Variants in IFFO2 observed in about 807,000 individuals in gnomAD.
The protein encoded by IFFO2 is intermediate filament family orphan 2.
A neutral mutation model predicts 53.5 loss-of-function variants in IFFO2; 19 were observed. The ratio of observed to expected loss-of-function variants is 0.36; its 90% CI spans 0.25 to 0.52. IFFO2 has a LOEUF of 0.52. IFFO2 is among the 20% of genes least tolerant of loss of function. The pLI, the probability that IFFO2 is intolerant of heterozygous loss-of-function variation, is 0.94. For synonymous variants in IFFO2, 303 were observed against 313.6 expected, an observed-to-expected ratio of 0.97 and a Z score of 0.36; for missense variants, 570 against 727.4, an observed-to-expected ratio of 0.78 and a Z score of 2.49.
At chr1:18,949,644 G>A (rs911534449) in intron 1 of IFFO2, among the ~76,000 whole-genome samples, 1 of 152,260 alleles carries the variant, frequency 6.6e-6, no homozygotes, top group Non-Finnish European at 1.5e-5. Flanking sequence ...GGAAGGCAAC[G>A]CATCTCGTTG....
intron 1 of IFFO2, among the ~76,000 whole-genome samples, chr1:18,922,672 G>C (rs931735198): frequency 1.3e-5 from 2 of 152,138 alleles, no homozygotes; most frequent in South Asian, 2.1e-4. Flanking sequence ...AGGGCAAGGG[G>C]CTGGGATTCC....
Position 18,955,876 on chromosome 1 carries a change from G to A in IFFO2, c.457C>T (p.His153Tyr). The A allele has an allele frequency of 7.2e-7, 1 of 1,381,048 alleles. No homozygotes were observed. The highest frequency in any genetic ancestry group is 1.7e-5 in the South Asian group (1 of 58,874). The allele number at this position is 1,381,048 out of a possible 1,614,324, so 85.5% of individuals were successfully genotyped here. The change falls in exon 1 of 9, where the codon CAC becomes TAC. Residue 153 changes from histidine to tyrosine, a missense_variant. Transcript: ENST00000455833. ...ATGGTCCCGGGCAGGCGGCCGTAGT[G>A]CTGCGGGTGCGAGCCGCCGCCGGGG... ...LPPGGGSHPQ[H>Y]YGRLPGTIWS...
At chr1:18,934,948 C>A (rs769295071) in intron 1 of IFFO2, among the ~76,000 whole-genome samples, 1 of 152,152 alleles carries the variant, frequency 6.6e-6, no homozygotes, top group Non-Finnish European at 1.5e-5. Context: ...TCCAGGTATC[C>A]CTCTGGGATA....
rs1194301608 is a variant in IFFO2 at position 18,919,812 on chromosome 1, G to T, written c.727-39C>A. The stretch of plus-strand genomic sequence containing the variant: ...GATGGGGAGGCTTCAGAGGGGCCGG[G>T]TCCTCTGGGGATAGGAGGGTCTGGA... On this transcript the variant is annotated intron_variant, in intron 2 of 8. Transcript: ENST00000455833. This position sits in a 1 kb window ranked among gnomAD's most constrained non-coding sequence, Gnocchi z 4.9. 4 of 1,400,778 alleles carry T rather than the reference G, an allele frequency of 2.9e-6. No homozygotes were observed. In the East Asian group the frequency reaches 1.0e-4, roughly 35 times the overall value. 86.8% of individuals were successfully genotyped at this position (1,400,778 alleles called of 1,614,324 possible). A position where few individuals can be genotyped will look rare whatever the true frequency, so the allele number is the denominator to read the frequency against.
chr1:18,919,306 G>A lies in IFFO2; in HGVS notation c.822+372C>T, dbSNP rs1030174639. 6.6e-6 allele frequency among the ~76,000 whole-genome samples: 1 copy of A among 152,200 alleles called. No individual in the cohort carries two copies. Among genetic ancestry groups the A allele is most frequent in the African/African-American group, 2.4e-5 (1 of 41,446 alleles). ...GAGTCTCTCAGGCCCGCACAGACCA[G>A]ACGGCACCTGGCCCAACCTGCCAGA... On this transcript the variant is annotated intron_variant, in intron 3 of 8. Coordinates refer to ENST00000455833, the MANE Select transcript of IFFO2 (RefSeq NM_001136265.2). The surrounding 1 kb of genome is among the most constrained non-coding windows in gnomAD (Gnocchi z 4.9).
chr1:18,910,336 G>A lies in IFFO2; in HGVS notation c.1448+6C>T, dbSNP rs770066016. On this transcript the variant is annotated splice_donor_region_variant and intron_variant, in intron 8 of 8. Transcript: ENST00000455833. ...AGCTGAATCCCCTGGGAGGATGGGC[G>A]GGTACCTGTCTGCGGAGCCTTTGAT... The A allele has an allele frequency of 1.9e-5, 30 of 1,601,338 alleles. No homozygotes were observed. The highest frequency in any genetic ancestry group is 4.0e-5 in the African/African-American group (3 of 74,618).
intron 1 of IFFO2, among the ~76,000 whole-genome samples, chr1:18,951,233 G>A (rs1190677099): frequency 6.6e-6 from 1 of 152,138 alleles, no homozygotes; most frequent in Non-Finnish European, 1.5e-5. Flanking sequence ...CAAATCTCAG[G>A]TACTCAGCCT....
chr1:18,948,169 T>C lies in IFFO2; in HGVS notation c.665+7499A>G, dbSNP rs139962532. Among the ~76,000 whole-genome samples the C allele has an allele frequency of 6.9e-3, 1,045 of 152,332 alleles. 11 individuals carry two copies. The highest frequency in any genetic ancestry group is 0.023 in the African/African-American group (966 of 41,582). ...CAATAAACGGAAGCATTAAGCCATA[T>C]TGATTTATTTTCAAATCCTTTTGCA... On this transcript the variant is annotated intron_variant, in intron 1 of 8. Transcript: ENST00000455833.
chr1:18,927,372 G>A (rs2148175194), intron 1 of IFFO2, among the ~76,000 whole-genome samples: 2 of 152,366 alleles, frequency 1.3e-5, no homozygotes, highest in Middle Eastern at 6.8e-3. Flanking sequence ...TTCATTCTGG[G>A]CCAAGCGTGG....
chr1:18,923,476 C>T (rs1030191511), intron 1 of IFFO2, among the ~76,000 whole-genome samples: 1 of 152,222 alleles, frequency 6.6e-6, no homozygotes, highest in Non-Finnish European at 1.5e-5. Flanking sequence ...AGCAACAGCA[C>T]CAGCAACCAT....
chr1:18,937,387 G>A (rs1307467742), intron 1 of IFFO2, among the ~76,000 whole-genome samples: 1 of 152,184 alleles, frequency 6.6e-6, no homozygotes. Flanking sequence ...TCAAGGGGAT[G>A]GACTCATTAC....
intron 1 of IFFO2, among the ~76,000 whole-genome samples, chr1:18,923,797 C>A (rs1306787647): frequency 6.6e-6 from 1 of 152,142 alleles, no homozygotes; most frequent in Non-Finnish European, 1.5e-5. Flanking sequence ...AGGGCTGGGG[C>A]AGACAGCTCC....
At chr1:18,941,805 G>A (rs923797406) in intron 1 of IFFO2, among the ~76,000 whole-genome samples, 5 of 152,302 alleles carry the variant, frequency 3.3e-5, no homozygotes, top group South Asian at 4.1e-4. Context: ...TCCACACAAC[G>A]GGGAGGCTGA....
Position 18,918,345 on chromosome 1 carries a change from A to C in IFFO2, c.963+17T>G, listed in dbSNP as rs1252000483. ...GAGAGTGGGGGGTTGGCTGGTGAGC[A>C]GGGCAGCCCTAGTCACCTGGAAGAT... On this transcript the variant is annotated intron_variant, in intron 4 of 8. Transcript: ENST00000455833. This position sits in a 1 kb window ranked among gnomAD's most constrained non-coding sequence, Gnocchi z 5.2. The C allele has an allele frequency of 3.9e-6, 6 of 1,544,152 alleles. No homozygotes were observed. The highest frequency in any genetic ancestry group is 5.3e-6 in the Non-Finnish European group (6 of 1,140,736).
rs1482860821 is a variant in IFFO2 at position 18,947,378 on chromosome 1, T to A, written c.665+8290A>T. Among the ~76,000 whole-genome samples the A allele has an allele frequency of 6.6e-6, 1 of 152,170 alleles. No homozygotes were observed. The highest frequency in any genetic ancestry group is 2.4e-5 in the African/African-American group (1 of 41,446). On this transcript the variant is annotated intron_variant, in intron 1 of 8. Transcript: ENST00000455833. The surrounding 1 kb of genome is among the most constrained non-coding windows in gnomAD (Gnocchi z 5.0). The stretch of plus-strand genomic sequence containing the variant: ...CGGGCAAGATAAATGGAGCATTAAT[T>A]GAGAGCCTGAGATCCACAGCCTGCC...
In IFFO2 at chr1:18,904,597, G is replaced by A. The variant is rs1195927364; in HGVS notation, c.*3964C>T. 2 of 152,130 alleles carry A rather than the reference G, an allele frequency of 1.3e-5. No homozygotes were observed. Among genetic ancestry groups the A allele is most frequent in the Non-Finnish European group, 2.9e-5 (2 of 68,028 alleles). 9.4% of individuals were successfully genotyped at this position (152,130 alleles called of 1,614,324 possible). On this transcript the variant is annotated 3_prime_UTR_variant, in exon 9 of 9. Coordinates refer to ENST00000455833, the MANE Select transcript of IFFO2 (RefSeq NM_001136265.2). ...CTTGGGAGGGAAGGGTCTTGGTGAG[G>A]GATTTGCTCAGAACTAACACACAGC...
intron 1 of IFFO2, among the ~76,000 whole-genome samples, chr1:18,931,742 T>C (rs971058882): frequency 2.0e-5 from 3 of 152,172 alleles, no homozygotes; most frequent in African/African-American, 7.2e-5. Flanking sequence ...AAATGACCTG[T>C]TCAAGGTCAA....
At position 18,940,618 on chromosome 1, in the gene IFFO2, C is replaced by A. The variant is rs531608979; in HGVS notation, c.665+15050G>T. On this transcript the variant is annotated intron_variant, in intron 1 of 8. Transcript: ENST00000455833. Reference sequence around the variant, plus strand: ...ATGGATGGATGGATGGACAGACGGACGGACAGACGGATGGAAGAATAAATG... The same window carrying A: ...ATGGATGGATGGATGGACAGACGGAAGGACAGACGGATGGAAGAATAAATG... 2.0e-5 allele frequency among the ~76,000 whole-genome samples: 3 copies of A among 151,862 alleles called. No homozygotes were observed. The South Asian group carries it at 6.3e-4, about 32-fold the overall frequency.
intron 7 of IFFO2, 103 bp from the exon 8 acceptor site, chr1:18,910,575 G>A (rs1424809741): frequency 3.0e-6 from 4 of 1,344,528 alleles, no homozygotes; most frequent in South Asian, 2.6e-5. Context: ...TGCCATCAAG[G>A]CCACCATTGG....
Sources: gnomAD v4.1 joint callset for allele counts (sites outside exome capture counted in the v4.1 genomes callset) on GRCh38, gnomAD v4.1.1 for gene constraint, Gnocchi (gnomAD v3.1) non-coding constraint, MANE v1.5 for transcripts, NCBI Gene and HGNC (gene_info 2026-07-23, HGNC 2026-07-21) for gene names.